SPINK5: variants seen among roughly 807,000 people sequenced by gnomAD.
SPINK5 encodes serine protease inhibitor Kazal-type 5.
A neutral mutation model predicts 151.8 loss-of-function variants in SPINK5; 125 were observed. The ratio of observed to expected loss-of-function variants is 0.82; its 90% confidence interval spans 0.71 to 0.96. The LOEUF (loss-of-function observed/expected upper bound fraction) is 0.96, where lower values mean the gene tolerates loss of function less well. SPINK5 is among the 40% of genes least tolerant of loss of function. SPINK5 has a pLI of 0.00. For missense variants in SPINK5, 1,194 were observed against 1,291.9 expected (o/e 0.92, Z 1.16); for synonymous variants, 374 against 395.3 (o/e 0.95, Z 0.64).
intron 30 of SPINK5, among the ~76,000 whole-genome samples, chr5:148,128,048 C>T (rs3756689): frequency 0.56 from 85,092 of 151,758 alleles, 24,581 homozygotes; most frequent in Admixed American, 0.65. Context: ...GGCTGATGAC[C>T]CAGAAAAGGA....
chr5:148,124,742 C>CT lies in SPINK5; in HGVS notation c.2667-14dup, dbSNP rs3036731. ...AACAACCCTTGAAAAATTACCCTATCTTTTTTTTTAATTATTCTGCAGTGA... is the reference window on the plus strand; with the variant it reads ...AACAACCCTTGAAAAATTACCCTATCTTTTTTTTTTAATTATTCTGCAGTGA... On this transcript the variant is annotated intron_variant, in intron 27 of 32. Coordinates refer to ENST00000256084, the MANE Select transcript of SPINK5 (RefSeq NM_006846.4). The CT allele has an allele frequency of 0.51, 693,302 of 1,364,300 alleles. 135,113 individuals are homozygous for CT. The highest frequency in any genetic ancestry group is 0.59 in the Admixed American group (25,792 of 43,430). 84.5% of individuals were successfully genotyped at this position (1,364,300 alleles called of 1,614,324 possible). A position where few individuals can be genotyped will look rare whatever the true frequency, so the allele number is the denominator to read the frequency against.
rs1429243125 is a variant in SPINK5, at chr5:148,116,443, G to A, written c.2089G>A (p.Gly697Ser). The stretch of plus-strand genomic sequence containing the variant: ...AAATGCTGCAGGACATGGTTCCAGT[G>A]GTGGTGGAGGAGGAAACACTCAGGT... ...QRNAAGHGSS[G>S]GGGGNTQDEC... Residue 697 changes from glycine to serine, a missense_variant, in exon 22 of 33, where the codon GGT (glycine) becomes AGT (serine). Transcript: ENST00000256084. 6.2e-7 allele frequency: 1 copy of A among 1,610,106 alleles called. No homozygotes were observed.
rs1443186122 is a variant in SPINK5, at chr5:148,111,884, T to C, written c.1809T>C (p.Cys603=). The change falls in exon 19 of 33, where the codon TGT becomes TGC. Residue 603 remains cysteine (C), a synonymous_variant. Transcript: ENST00000256084. ...TCCACGGCAACACCTGCTCCATGTG[T>C]GAAGCCTTCTTGTGAGTGGGCGGCA... is the stretch of plus-strand genomic sequence containing the variant. ...GKIHGNTCSM[C]EAFFQQEAKE... 6.2e-6 allele frequency: 10 copies of C among 1,613,880 alleles called. No individual in the cohort carries two copies. The highest frequency in any genetic ancestry group is 8.5e-6 in the Non-Finnish European group (10 of 1,179,892).
intron 11 of SPINK5, 72 bp downstream of exon 11, chr5:148,098,066 C>A: frequency 7.0e-7 from 1 of 1,426,514 alleles, no homozygotes; most frequent in African/African-American, 1.4e-5. Flanking sequence ...CAGCTTCTTT[C>A]ATAGATGGGG....
At chr5:148,096,447 A>G (rs750763469) in intron 10 of SPINK5, among the ~76,000 whole-genome samples, 1 of 151,920 alleles carries the variant, frequency 6.6e-6, no homozygotes, top group Non-Finnish European at 1.5e-5. Flanking sequence ...ATCTTTCTCA[A>G]TCTTCAAGAT....
chr5:148,107,235 T>C (rs1018729307), intron 17 of SPINK5, 71 bp downstream of exon 17: 6 of 1,584,646 alleles, frequency 3.8e-6, no homozygotes, highest in Non-Finnish European at 5.2e-6. Context: ...AGATCCTTCA[T>C]GCATGTGTAG....
At chr5:148,108,908 C>T (rs2113147498) in intron 18 of SPINK5, 71 bp downstream of exon 18, 2 of 1,595,954 alleles carry the variant, frequency 1.3e-6, no homozygotes, top group East Asian at 4.5e-5. Flanking sequence ...GCTCCTATTC[C>T]CTCCTCCTCA....
intron 3 of SPINK5, among the ~76,000 whole-genome samples, chr5:148,071,273 G>T (rs1206770875): frequency 6.6e-6 from 1 of 152,058 alleles, no homozygotes; most frequent in African/African-American, 2.4e-5. Context: ...TGTCAGGTTG[G>T]TGTGTGTCAC....
chr5:148,133,792 T>C lies in SPINK5; in HGVS notation c.3096-5T>C. The C allele has an allele frequency of 1.2e-6, 2 of 1,613,798 alleles. No individual in the cohort carries two copies. The highest frequency in any genetic ancestry group is 1.7e-6 in the Non-Finnish European group (2 of 1,179,878). Reference sequence around the variant, plus strand: ...GTTGTTGAAGCATCCTCTGATCTGTTTTAGGATACGCCAAACAAATACACA... The same window carrying C: ...GTTGTTGAAGCATCCTCTGATCTGTCTTAGGATACGCCAAACAAATACACA... On this transcript the variant is annotated splice_region_variant and splice_polypyrimidine_tract_variant and intron_variant, in intron 31 of 32. Coordinates refer to ENST00000256084, the MANE Select transcript of SPINK5 (RefSeq NM_006846.4).
At chr5:148,105,078 T>G in intron 16 of SPINK5, 78 bp downstream of exon 16, 6 of 1,468,114 alleles carry the variant, frequency 4.1e-6, no homozygotes, top group Non-Finnish European at 5.6e-6. Context: ...CCTATTAGAA[T>G]AAATGTTTTC....
intron 8 of SPINK5, among the ~76,000 whole-genome samples, chr5:148,093,293 G>A (rs1030852993): frequency 2.6e-5 from 4 of 151,900 alleles, no homozygotes; most frequent in East Asian, 1.9e-4. Context: ...AAAGTAGCCT[G>A]AAAGTATTGA....
At chr5:148,073,708 A>G (rs1358845352) in intron 4 of SPINK5, among the ~76,000 whole-genome samples, 2 of 151,738 alleles carry the variant, frequency 1.3e-5, no homozygotes, top group African/African-American at 4.8e-5. Flanking sequence ...AGATGTTTCC[A>G]TATGTAGACA....
intron 4 of SPINK5, among the ~76,000 whole-genome samples, chr5:148,079,430 A>G (rs1752963997): frequency 2.0e-5 from 3 of 151,236 alleles, no homozygotes; most frequent in Admixed American, 6.6e-5. Context: ...TTATTCTGAT[A>G]CAAAATGTAG....
intron 25 of SPINK5, 27 bp downstream of exon 25, chr5:148,120,163 G>T: frequency 6.2e-7 from 1 of 1,614,006 alleles, no homozygotes; most frequent in African/African-American, 1.3e-5. Flanking sequence ...ATGAGCTTTT[G>T]ACTGTGAGTC....
chr5:148,133,035 T>A (rs567255537), intron 31 of SPINK5, among the ~76,000 whole-genome samples: 1 of 152,254 alleles, frequency 6.6e-6, no homozygotes, highest in East Asian at 1.9e-4. Flanking sequence ...TCATCAACTT[T>A]ATAGACCCAT....
Position 148,133,857 on chromosome 5 carries a change from A to G in SPINK5, c.3156A>G (p.Pro1052=). 1.2e-6 allele frequency: 2 copies of G among 1,614,016 alleles called. No individual in the cohort carries two copies. Among genetic ancestry groups the G allele is most frequent in the Non-Finnish European group, 1.7e-6 (2 of 1,179,940 alleles). ...GGAAGTGTGAGGAGAGCAGCACCCC[A>G]GGAACCACCGCAGCCAGCATGCCCC... ...STGKCEESST[P]GTTAASMPPS... The change falls in exon 32 of 33, where the codon CCA becomes CCG. Residue 1052 remains proline (P), a synonymous_variant. Coordinates refer to ENST00000256084, the MANE Select transcript of SPINK5 (RefSeq NM_006846.4).
intron 15 of SPINK5, among the ~76,000 whole-genome samples, 198 bp from the exon 16 acceptor site, chr5:148,104,754 A>G (rs1753734952): frequency 6.6e-6 from 1 of 151,844 alleles, no homozygotes; most frequent in Non-Finnish European, 1.5e-5. Flanking sequence ...AACTTAGCCG[A>G]GTGTGGTGGC....
chr5:148,117,371 C>G (rs547204378), intron 22 of SPINK5, among the ~76,000 whole-genome samples: 328 of 152,256 alleles, frequency 2.2e-3, no homozygotes, highest in Admixed American at 4.1e-3. Context: ...GGGTTTTCCT[C>G]CAGCATTTTT....
At chr5:148,118,936 C>A (rs746228174) in intron 23 of SPINK5, 50 bp from the exon 24 acceptor site, 1 of 1,580,306 alleles carries the variant, frequency 6.3e-7, no homozygotes, top group South Asian at 1.1e-5. Context: ...GTGCATAATC[C>A]AGGGTCAATA....
Sources: allele counts gnomAD v4.1 joint callset (sites outside exome capture counted in the v4.1 genomes callset), GRCh38; gene constraint gnomAD v4.1.1; transcripts MANE v1.5; gene names NCBI Gene and HGNC (gene_info 2026-07-23, HGNC 2026-07-21).